Variants in HS3ST5 observed in about 807,000 individuals in gnomAD.
HS3ST5 encodes the protein heparan sulfate-glucosamine 3-sulfotransferase 5.
Under a neutral mutation model 25.4 loss-of-function variants are expected in HS3ST5, and 10 were observed. That is an observed-to-expected ratio of 0.39 (90% CI 0.24 to 0.67). The LOEUF is 0.67. HS3ST5 is among the 30% of genes least tolerant of loss of function. The pLI is 0.44. For missense variants in HS3ST5, 324 were observed against 420.7 expected, an observed-to-expected ratio of 0.77 and a Z score of 2.01; for synonymous variants, 170 against 162.4, an observed-to-expected ratio of 1.05 and a Z score of -0.36.
chr6:114,339,817 G>A (rs1232069921), intron 1 of HS3ST5, among the ~76,000 whole-genome samples: 1 of 152,154 alleles, frequency 6.6e-6, no homozygotes, highest in East Asian at 1.9e-4. Context: ...GAATTTAGGA[G>A]GGAAACAAAG....
intron 2 of HS3ST5, among the ~76,000 whole-genome samples, chr6:114,178,259 C>G (rs1272294198): frequency 6.6e-6 from 1 of 152,128 alleles, no homozygotes; most frequent in Non-Finnish European, 1.5e-5. Context: ...ACAGAGACAT[C>G]TCTTGGTGAA....
intron 3 of HS3ST5, among the ~76,000 whole-genome samples, chr6:114,085,148 A>G (rs1012255238): frequency 1.3e-5 from 2 of 152,264 alleles, no homozygotes; most frequent in Admixed American, 1.3e-4. Flanking sequence ...AAATTCTATT[A>G]TATGAGGATT....
intron 3 of HS3ST5, among the ~76,000 whole-genome samples, chr6:114,103,057 C>A (rs753255494): frequency 7.2e-5 from 11 of 152,126 alleles, no homozygotes; most frequent in Non-Finnish European, 1.5e-4. Context: ...GAAAAAGGAT[C>A]AAATAACAAT....
At chr6:114,109,364 T>C (rs1776151366) in intron 3 of HS3ST5, among the ~76,000 whole-genome samples, 1 of 152,128 alleles carries the variant, frequency 6.6e-6, no homozygotes, top group African/African-American at 2.4e-5. Context: ...TGAAATCCCC[T>C]AGGGGCTCTA....
intron 3 of HS3ST5, among the ~76,000 whole-genome samples, chr6:114,073,210 C>T (rs1329543919): frequency 6.6e-6 from 1 of 152,158 alleles, no homozygotes; most frequent in Non-Finnish European, 1.5e-5. Context: ...CTAGGCGATA[C>T]CATTCAGGAC....
At chr6:114,314,184 T>C (rs1775657859) in intron 1 of HS3ST5, among the ~76,000 whole-genome samples, 1 of 152,172 alleles carries the variant, frequency 6.6e-6, no homozygotes, top group African/African-American at 2.4e-5. Context: ...CGCCTCGGCC[T>C]CTCAAAGTGC....
At chr6:114,140,787 A>G (rs1247997830) in intron 3 of HS3ST5, among the ~76,000 whole-genome samples, 1 of 152,240 alleles carries the variant, frequency 6.6e-6, no homozygotes, top group Non-Finnish European at 1.5e-5. Flanking sequence ...TTATTTTTCA[A>G]GTTGGAAGCA....
chr6:114,069,167 C>T (rs944658570), intron 3 of HS3ST5, among the ~76,000 whole-genome samples: 9 of 152,218 alleles, frequency 5.9e-5, no homozygotes, highest in Non-Finnish European at 1.0e-4. Flanking sequence ...TCATTAAAAA[C>T]GACTGAACTT....
Position 114,221,556 on chromosome 6 carries a change from A to G in HS3ST5, c.-145+7029T>C, listed in dbSNP as rs557549292. On this transcript the variant is annotated intron_variant, in intron 2 of 4. Transcript: ENST00000312719. ...GTTATAGTGATACTATAATAGTTTA[A>G]AATTATTCCATGGGTTCTAAATTTA... Among the ~76,000 whole-genome samples, 152 of 151,870 alleles carry G rather than the reference A, an allele frequency of 1.0e-3. 3 individuals are homozygous for G. In the South Asian group the frequency reaches 0.031, roughly 31 times the overall value.
intron 3 of HS3ST5, among the ~76,000 whole-genome samples, chr6:114,110,074 A>C (rs1325769015): frequency 6.6e-6 from 1 of 152,190 alleles, no homozygotes; most frequent in Non-Finnish European, 1.5e-5. Context: ...GATGGACTAC[A>C]GTGATGCCAT....
intron 1 of HS3ST5, among the ~76,000 whole-genome samples, chr6:114,331,625 T>C (rs1175623921): frequency 1.3e-5 from 2 of 152,178 alleles, no homozygotes; most frequent in African/African-American, 4.8e-5. Flanking sequence ...TTACATGTTA[T>C]ATTTTTGAAA....
At chr6:114,215,922 G>A (rs185625518) in intron 2 of HS3ST5, among the ~76,000 whole-genome samples, 1 of 152,114 alleles carries the variant, frequency 6.6e-6, no homozygotes, top group Admixed American at 6.5e-5. Flanking sequence ...ATTTTGGTGG[G>A]ATCTAATTAC....
intron 3 of HS3ST5, among the ~76,000 whole-genome samples, chr6:114,079,206 C>T (rs933730471): frequency 1.3e-5 from 2 of 152,136 alleles, no homozygotes; most frequent in Non-Finnish European, 2.9e-5. Flanking sequence ...CATTGATTGA[C>T]TCTTCTTTTT....
At chr6:114,132,987 C>A (rs951260413) in intron 3 of HS3ST5, among the ~76,000 whole-genome samples, 1 of 152,196 alleles carries the variant, frequency 6.6e-6, no homozygotes. Context: ...TGATCCCCAA[C>A]CAACCCTCTG....
chr6:114,197,468 A>G (rs1011227335), intron 2 of HS3ST5, among the ~76,000 whole-genome samples: 8 of 152,122 alleles, frequency 5.3e-5, no homozygotes, highest in African/African-American at 1.9e-4. Flanking sequence ...CTCATTGTAT[A>G]TATATTTATT....
intron 2 of HS3ST5, among the ~76,000 whole-genome samples, chr6:114,192,982 C>G (rs1263846041): frequency 1.3e-5 from 2 of 152,092 alleles, no homozygotes; most frequent in African/African-American, 4.8e-5. Flanking sequence ...CCTGCCCCCA[C>G]CTTTTTAAAA....
intron 2 of HS3ST5, among the ~76,000 whole-genome samples, chr6:114,218,067 G>A (rs1485592229): frequency 2.6e-5 from 4 of 151,902 alleles, no homozygotes; most frequent in Non-Finnish European, 4.4e-5. Context: ...GCATGATCTC[G>A]GCTCACCGCA....
At chr6:114,178,835 G>A (rs1414043994) in intron 2 of HS3ST5, 10 of 149,464 alleles carry the variant, frequency 6.7e-5, no homozygotes, top group African/African-American at 2.6e-4. Flanking sequence ...TCTCTTCCTG[G>A]TTCTTCCTGG....
chr6:114,254,480 T>G (rs1772810602), intron 1 of HS3ST5, among the ~76,000 whole-genome samples: 1 of 152,174 alleles, frequency 6.6e-6, no homozygotes. Context: ...TTGAGTAGGG[T>G]AGCAGACCTT....
Sources: allele counts gnomAD v4.1 joint callset (sites outside exome capture counted in the v4.1 genomes callset), GRCh38; gene constraint gnomAD v4.1.1; transcripts MANE v1.5; gene names NCBI Gene and HGNC (gene_info 2026-07-23, HGNC 2026-07-21).